The following RYR3 variants were observed in gnomAD, a reference collection of about 807,000 sequenced individuals.
The protein encoded by RYR3 is brain ryanodine receptor-calcium release channel.
A neutral mutation model predicts 584.3 loss-of-function variants in RYR3; 207 were observed. The ratio of observed to expected loss-of-function variants is 0.35; its 90% CI spans 0.32 to 0.40. The LOEUF is 0.40. RYR3 is among the 10% of genes least tolerant of loss of function. The pLI is 1.00. For missense variants in RYR3, 5,616 were observed against 6,089.2 expected (o/e 0.92, Z 2.59); for synonymous variants, 2,416 against 2,248.5 (o/e 1.07, Z -2.11).
intron 60 of RYR3, among the ~76,000 whole-genome samples, chr15:33,759,187 GA>G (rs1339890692): frequency 1.4e-4 from 21 of 152,188 alleles, no homozygotes; most frequent in African/African-American, 5.1e-4. Context: ...CGAAGATGGG[GA>G]AAACAGCACA....
chr15:33,536,636 G>GT (rs1211060812), intron 5 of RYR3, among the ~76,000 whole-genome samples: 1 of 146,430 alleles, frequency 6.8e-6, no homozygotes, highest in Non-Finnish European at 1.5e-5. Flanking sequence ...CCCTTCGGTG[G>GT]TCTCAGAGAA....
chr15:33,854,383 C>A lies in RYR3; in HGVS notation c.13800-6C>A. The A allele has an allele frequency of 6.4e-7, 1 of 1,565,804 alleles. No individual in the cohort carries two copies. Among genetic ancestry groups the A allele is most frequent in the Non-Finnish European group, 8.7e-7 (1 of 1,154,002 alleles). On this transcript the variant is annotated splice_polypyrimidine_tract_variant and splice_region_variant and intron_variant, in intron 96 of 103. Coordinates refer to ENST00000634891, the MANE Select transcript of RYR3 (RefSeq NM_001036.6). The stretch of plus-strand genomic sequence containing the variant: ...ATAAGTTTTAAAATCACTTGTTCTT[C>A]TCTAGGCTAAGTTCCATAGACATGA...
intron 10 of RYR3, among the ~76,000 whole-genome samples, chr15:33,554,748 C>T (rs550662422): frequency 1.1e-4 from 16 of 152,150 alleles, no homozygotes; most frequent in Non-Finnish European, 1.5e-4. Context: ...ATCATTTTTC[C>T]ATGGTCTTGA....
At chr15:33,832,843 C>G (rs573189065) in intron 86 of RYR3, among the ~76,000 whole-genome samples, 15 of 151,798 alleles carry the variant, frequency 9.9e-5, no homozygotes, top group African/African-American at 3.6e-4. Flanking sequence ...AACCCCATCT[C>G]TACTAAAAAT....
intron 64 of RYR3, among the ~76,000 whole-genome samples, chr15:33,779,893 G>C (rs760829459): frequency 3.0e-4 from 45 of 152,024 alleles, no homozygotes; most frequent in Non-Finnish European, 5.1e-4. Flanking sequence ...CGCATGTAGT[G>C]CCAGCTACTC....
intron 27 of RYR3, among the ~76,000 whole-genome samples, chr15:33,640,192 A>C (rs967267862): frequency 2.6e-5 from 4 of 152,214 alleles, no homozygotes; most frequent in African/African-American, 9.6e-5. Flanking sequence ...ACTTATCTGC[A>C]GGAAGTGTCA....
At chr15:33,749,034 G>A (rs1364665250) in intron 55 of RYR3, among the ~76,000 whole-genome samples, 1 of 152,160 alleles carries the variant, frequency 6.6e-6, no homozygotes, top group Non-Finnish European at 1.5e-5. Flanking sequence ...TACATGTTCA[G>A]TACAGACACA....
intron 62 of RYR3, among the ~76,000 whole-genome samples, 178 bp from the exon 63 acceptor site, chr15:33,771,742 G>C (rs1169340963): frequency 6.6e-6 from 1 of 152,116 alleles, no homozygotes; most frequent in South Asian, 2.1e-4. Context: ...AGCCCCTCTG[G>C]GATTGTGTGA....
At chr15:33,416,991 G>T (rs1188614906) in intron 1 of RYR3, among the ~76,000 whole-genome samples, 2 of 152,100 alleles carry the variant, frequency 1.3e-5, no homozygotes, top group African/African-American at 4.8e-5. Flanking sequence ...TTGAAGATTG[G>T]TTGGTTTAAA....
rs1555426974 is a variant in RYR3 at position 33,725,178 on chromosome 15, C to CACACACACACACACACACATATAT, written c.6912+1021_6912+1022insTATATACACACACACACACACACA. Among the ~76,000 whole-genome samples the CACACACACACACACACACATATAT allele has an allele frequency of 1.7e-4, 20 of 120,938 alleles. No homozygotes were observed. In the East Asian group the frequency reaches 8.0e-3, roughly 49 times the overall value. The allele number at this position is 120,938 out of a possible 152,430, so 79.3% of individuals were successfully genotyped here. On this transcript the variant is annotated intron_variant, in intron 45 of 103. Transcript: ENST00000634891. ...TTACACACACACACACACACACACACACACACACACACACACACACACACA... is the reference window on the plus strand; with the variant it reads ...TTACACACACACACACACACACACACACACACACACACACACACATATATACACACACACACACACACACACACA...
intron 43 of RYR3, among the ~76,000 whole-genome samples, chr15:33,721,808 CT>C: frequency 6.6e-6 from 1 of 152,206 alleles, no homozygotes; most frequent in South Asian, 2.1e-4. Context: ...TACCAACCCA[CT>C]TTTGAATATA....
intron 38 of RYR3, among the ~76,000 whole-genome samples, chr15:33,671,916 C>G (rs149580541): frequency 6.8e-6 from 1 of 147,836 alleles, no homozygotes; most frequent in African/African-American, 2.5e-5. Context: ...ACGGTTCAAG[C>G]GATTCTCCTG....
At chr15:33,737,458 A>T (rs2069599204) in intron 49 of RYR3, among the ~76,000 whole-genome samples, 1 of 152,192 alleles carries the variant, frequency 6.6e-6, no homozygotes, top group South Asian at 2.1e-4. Context: ...CCACACCTGA[A>T]AATCCTACCT....
intron 1 of RYR3, among the ~76,000 whole-genome samples, chr15:33,443,061 C>G (rs974328600): frequency 1.3e-5 from 2 of 152,224 alleles, no homozygotes; most frequent in Admixed American, 1.3e-4. Context: ...GAGTTGGAGA[C>G]CAGCCTGGCC....
In RYR3 at chr15:33,837,755, A is replaced by G; in HGVS notation, c.11775A>G (p.Ser3925=). 1 of 1,613,978 alleles carries G rather than the reference A, an allele frequency of 6.2e-7. No individual in the cohort carries two copies. Among genetic ancestry groups the G allele is most frequent in the Non-Finnish European group, 8.5e-7 (1 of 1,179,864 alleles). ...TGAAACTTAAAGACTTAACCAGCTC[A>G]GACACCTTCAAAGAATATGACCCAG... ...MFLKLKDLTS[S]DTFKEYDPDG... Residue 3925 remains serine (S), a synonymous_variant, in exon 89 of 104, where the codon TCA becomes TCG. Transcript: ENST00000634891.
intron 31 of RYR3, among the ~76,000 whole-genome samples, chr15:33,651,102 G>C (rs2062437534): frequency 6.6e-6 from 1 of 152,160 alleles, no homozygotes; most frequent in Non-Finnish European, 1.5e-5. Flanking sequence ...TACTTACTGT[G>C]AACATTAACT....
At chr15:33,686,027 G>A (rs914009559) in intron 38 of RYR3, among the ~76,000 whole-genome samples, 27 of 130,360 alleles carry the variant, frequency 2.1e-4, no homozygotes, top group African/African-American at 8.2e-4. Flanking sequence ...ATCACAATTA[G>A]AAGAACTAGA....
chr15:33,699,909 C>G, intron 41 of RYR3, 76 bp downstream of exon 41: 1 of 1,471,128 alleles, frequency 6.8e-7, no homozygotes, highest in Admixed American at 1.8e-5. Context: ...TAGGAAAATA[C>G]AGGGAAAGGA....
chr15:33,735,248 G>A (rs907743092), intron 48 of RYR3, among the ~76,000 whole-genome samples: 1 of 152,136 alleles, frequency 6.6e-6, no homozygotes, highest in Non-Finnish European at 1.5e-5. Flanking sequence ...AGTGATTTTT[G>A]CATTCTAACT....
Sources: gnomAD v4.1 joint callset for allele counts (sites outside exome capture counted in the v4.1 genomes callset) on GRCh38, gnomAD v4.1.1 for gene constraint, MANE v1.5 for transcripts, NCBI Gene and HGNC (gene_info 2026-07-23, HGNC 2026-07-21) for gene names.